PTPRD: variants seen among roughly 807,000 people sequenced by gnomAD.
PTPRD encodes the protein receptor-type tyrosine-protein phosphatase delta.
PTPRD carries 34 observed loss-of-function variants against 214.5 expected under a neutral mutation model. That is an observed-to-expected ratio of 0.16 (90% confidence interval 0.12 to 0.21). PTPRD has a LOEUF of 0.21. Ranked by LOEUF, PTPRD falls within the 10% of genes least tolerant of loss-of-function variation. The probability of loss-of-function intolerance (pLI) is 1.00; values close to 1 mark genes in which losing one functional copy is unlikely to be tolerated. For synonymous variants in PTPRD, 1,128 were observed against 845.7 expected, an observed-to-expected ratio of 1.33 and a Z score of -5.79; for missense variants, 2,545 against 2,398.7, an observed-to-expected ratio of 1.06 and a Z score of -1.27.
At chr9:9,895,799 T>C (rs2074797989) in intron 5 of PTPRD, among the ~76,000 whole-genome samples, 1 of 152,114 alleles carries the variant, frequency 6.6e-6, no homozygotes, top group South Asian at 2.1e-4. Context: ...GCTCATGGCA[T>C]GCAGTTCCTT....
At chr9:9,951,302 G>A (rs2093433526) in intron 4 of PTPRD, among the ~76,000 whole-genome samples, 2 of 152,170 alleles carry the variant, frequency 1.3e-5, no homozygotes, top group African/African-American at 4.8e-5. Context: ...AGTGTTTGAA[G>A]ATATTCTTAT....
intron 3 of PTPRD, among the ~76,000 whole-genome samples, chr9:10,182,703 A>T (rs1206402678): frequency 1.3e-5 from 2 of 152,314 alleles, no homozygotes; most frequent in Middle Eastern, 3.4e-3. Context: ...TTTGGCAAAA[A>T]ATGTAAAGGA....
intron 2 of PTPRD, among the ~76,000 whole-genome samples, chr9:10,505,070 G>T (rs139454363): frequency 1.3e-5 from 2 of 152,298 alleles, no homozygotes; most frequent in East Asian, 3.9e-4. Context: ...ATCAGAAATT[G>T]CAGTCTTGCA....
chr9:9,926,858 T>C (rs897303840), intron 5 of PTPRD, among the ~76,000 whole-genome samples: 1 of 152,210 alleles, frequency 6.6e-6, no homozygotes, highest in Non-Finnish European at 1.5e-5. Context: ...TTTTCAGTGT[T>C]ATATCATAAA....
intron 9 of PTPRD, among the ~76,000 whole-genome samples, chr9:9,325,772 G>A (rs1969747580): frequency 6.6e-6 from 1 of 152,158 alleles, no homozygotes; most frequent in African/African-American, 2.4e-5. Context: ...TCTTGTGCCA[G>A]TTTTCAAAGG....
chr9:10,562,495 C>T (rs2064279286), intron 2 of PTPRD, among the ~76,000 whole-genome samples: 1 of 151,982 alleles, frequency 6.6e-6, no homozygotes, highest in Non-Finnish European at 1.5e-5. Flanking sequence ...TTAGTTCATG[C>T]ATCTATTTGA....
At chr9:9,764,707 T>C (rs905881982) in intron 6 of PTPRD, among the ~76,000 whole-genome samples, 35 of 152,302 alleles carry the variant, frequency 2.3e-4, no homozygotes, top group Non-Finnish European at 4.4e-4. Flanking sequence ...GTGATTATTG[T>C]TAATAAATTC....
chr9:10,475,617 C>T (rs2099057667), intron 2 of PTPRD, among the ~76,000 whole-genome samples: 1 of 151,656 alleles, frequency 6.6e-6, no homozygotes, highest in Non-Finnish European at 1.5e-5. Context: ...AAAGGGACTC[C>T]TCCTCAACTC....
intron 2 of PTPRD, among the ~76,000 whole-genome samples, chr9:10,498,448 A>G (rs1388866650): frequency 2.6e-5 from 4 of 151,972 alleles, no homozygotes; most frequent in Non-Finnish European, 5.9e-5. Context: ...CTTCATGTCA[A>G]TTGGTTATAC....
intron 21 of PTPRD, among the ~76,000 whole-genome samples, chr9:8,515,769 A>T (rs2097771623): frequency 6.6e-6 from 1 of 152,140 alleles, no homozygotes; most frequent in Non-Finnish European, 1.5e-5. Flanking sequence ...AATCCTGCCA[A>T]CACCTTGATC....
chr9:8,812,475 T>C (rs2096829688), intron 11 of PTPRD, among the ~76,000 whole-genome samples: 1 of 152,230 alleles, frequency 6.6e-6, no homozygotes, highest in Non-Finnish European at 1.5e-5. Context: ...ACTTATTTTT[T>C]ACTCTCAAAG....
At chr9:10,025,136 G>A (rs939409467) in intron 4 of PTPRD, among the ~76,000 whole-genome samples, 4 of 152,044 alleles carry the variant, frequency 2.6e-5, no homozygotes, top group Non-Finnish European at 5.9e-5. Flanking sequence ...AATCCTTTGG[G>A]TATATACCCA....
At chr9:8,602,425 T>A (rs1332131332) in intron 14 of PTPRD, among the ~76,000 whole-genome samples, 1 of 152,208 alleles carries the variant, frequency 6.6e-6, no homozygotes, top group Non-Finnish European at 1.5e-5. Flanking sequence ...TCTTGCCACA[T>A]GATATAAACT....
chr9:8,963,674 C>T (rs1213169231), intron 11 of PTPRD, among the ~76,000 whole-genome samples: 1 of 151,814 alleles, frequency 6.6e-6, no homozygotes, highest in East Asian at 1.9e-4. Context: ...GTCTGAAGTT[C>T]AGTGGTGCCA....
chr9:8,421,601 C>A (rs2094370354), intron 35 of PTPRD, among the ~76,000 whole-genome samples: 1 of 152,098 alleles, frequency 6.6e-6, no homozygotes, highest in Non-Finnish European at 1.5e-5. Context: ...GTGACAGGCA[C>A]CTGTATCACC....
chr9:9,218,763 G>A (rs2099953932), intron 9 of PTPRD, among the ~76,000 whole-genome samples: 1 of 152,048 alleles, frequency 6.6e-6, no homozygotes, highest in Non-Finnish European at 1.5e-5. Flanking sequence ...GAGAATACAA[G>A]CAAAGAGCAG....
chr9:9,092,408 T>C (rs1367416108), intron 10 of PTPRD, among the ~76,000 whole-genome samples: 1 of 152,116 alleles, frequency 6.6e-6, no homozygotes, highest in Non-Finnish European at 1.5e-5. Context: ...GCAGTAAACA[T>C]ATTAATGGTA....
chr9:9,947,606 T>TA (rs370797568), intron 4 of PTPRD, among the ~76,000 whole-genome samples: 1 of 57,402 alleles, frequency 1.7e-5, no homozygotes, highest in African/African-American at 6.8e-5. Flanking sequence ...AATATATATA[T>TA]TTTATATATA....
At chr9:9,114,090 C>T (rs1450681850) in intron 10 of PTPRD, among the ~76,000 whole-genome samples, 1 of 152,078 alleles carries the variant, frequency 6.6e-6, no homozygotes, top group Non-Finnish European at 1.5e-5. Context: ...TAAACCATAT[C>T]CTTTTGACCT....
Sources: gnomAD v4.1 joint callset for allele counts (sites outside exome capture counted in the v4.1 genomes callset) on GRCh38, gnomAD v4.1.1 for gene constraint, MANE v1.5 for transcripts, NCBI Gene and HGNC (gene_info 2026-07-23, HGNC 2026-07-21) for gene names.